The following AGAP1 variants were observed in gnomAD, a reference collection of about 807,000 sequenced individuals.
The protein encoded by AGAP1 is arf-GAP with GTPase, ANK repeat and PH domain-containing protein 1.
A neutral mutation model predicts 105.3 loss-of-function variants in AGAP1; 29 were observed. That is an observed-to-expected ratio of 0.28 (90% CI 0.21 to 0.38). The LOEUF (loss-of-function observed/expected upper bound fraction) is 0.38. AGAP1 is among the 10% of genes least tolerant of loss of function. AGAP1 has a pLI of 1.00. For missense variants in AGAP1, 998 were observed against 1,165.1 expected (o/e 0.86, Z 2.09); for synonymous variants, 509 against 485.9 (o/e 1.05, Z -0.63).
rs150332968 is a variant in AGAP1 at position 235,965,038 on chromosome 2, C to T, written c.1484-3424C>T. 2.9e-3 allele frequency among the ~76,000 whole-genome samples: 443 copies of T among 152,320 alleles called. 1 individual carries two copies. Among genetic ancestry groups the T allele is most frequent in the Non-Finnish European group, 4.8e-3 (328 of 68,030 alleles). ...CAACCAAACTGTCATAGTGCAGGCT[C>T]AGGGGGTCTCAGGACTGCTGGCTAC... On this transcript the variant is annotated intron_variant, in intron 12 of 17. Coordinates refer to ENST00000304032, the MANE Select transcript of AGAP1 (RefSeq NM_001037131.3). The surrounding 1 kb of genome is among the most constrained non-coding windows in gnomAD (Gnocchi z 5.8).
intron 6 of AGAP1, among the ~76,000 whole-genome samples, chr2:235,778,786 T>A (rs1956073066): frequency 6.6e-6 from 1 of 152,134 alleles, no homozygotes; most frequent in Admixed American, 6.5e-5. Flanking sequence ...TGGTCTAGAC[T>A]GTAAACCCCA....
In AGAP1 at chr2:235,723,160, T is replaced by G. The variant is rs147574574; in HGVS notation, c.310+5516T>G. Among the ~76,000 whole-genome samples the G allele has an allele frequency of 6.6e-6, 1 of 152,294 alleles. No homozygotes were observed. Among genetic ancestry groups the G allele is most frequent in the East Asian group, 1.9e-4 (1 of 5,168 alleles). ...GACCTTCACACCTCTGAGGACAATT[T>G]CACAGCTGCCGTTCACTTCCTATAA... On this transcript the variant is annotated intron_variant, in intron 3 of 17. Transcript: ENST00000304032. This position sits in a 1 kb window ranked among gnomAD's most constrained non-coding sequence, Gnocchi z 6.2.
At chr2:236,068,003 G>T (rs2058391383) in intron 16 of AGAP1, among the ~76,000 whole-genome samples, 1 of 152,204 alleles carries the variant, frequency 6.6e-6, no homozygotes, top group South Asian at 2.1e-4. Flanking sequence ...TGGGTGTGGT[G>T]GCTCACACCT....
At chr2:235,644,004 G>A (rs1474185258) in intron 1 of AGAP1, among the ~76,000 whole-genome samples, 2 of 152,120 alleles carry the variant, frequency 1.3e-5, no homozygotes, top group Non-Finnish European at 2.9e-5. Flanking sequence ...TCTGTAGTAA[G>A]GGAGGCCTGG....
At chr2:235,571,333 CTA>C (rs1944507640) in intron 1 of AGAP1, among the ~76,000 whole-genome samples, 1 of 152,210 alleles carries the variant, frequency 6.6e-6, no homozygotes, top group South Asian at 2.1e-4. Context: ...ATGATTGTCT[CTA>C]TGTGCTGTAG....
At chr2:235,928,392 A>AC (rs912822878) in intron 11 of AGAP1, among the ~76,000 whole-genome samples, 1 of 152,120 alleles carries the variant, frequency 6.6e-6, no homozygotes, top group African/African-American at 2.4e-5. Flanking sequence ...CACCAGGACA[A>AC]CCCATGGGCC....
chr2:235,781,692 T>G (rs1189930541), intron 6 of AGAP1, among the ~76,000 whole-genome samples: 1 of 152,198 alleles, frequency 6.6e-6, no homozygotes, highest in African/African-American at 2.4e-5. Flanking sequence ...AGTGCCTCTC[T>G]TTTCTAATGC....
rs562922768 is a variant in AGAP1, at chr2:235,751,447, C to G, written c.673+959C>G. Among the ~76,000 whole-genome samples the G allele has an allele frequency of 1.1e-4, 16 of 152,236 alleles. No homozygotes were observed. Among genetic ancestry groups the G allele is most frequent in the Non-Finnish European group, 1.5e-5 (1 of 68,016 alleles). On this transcript the variant is annotated intron_variant, in intron 6 of 17. Transcript: ENST00000304032. This position sits in a 1 kb window ranked among gnomAD's most constrained non-coding sequence, Gnocchi z 5.3. ...AGCAGGGCAGCCACACTCGGGCTCT[C>G]CAGAGAGTGCTGGAGCCGCTTCAAG...
chr2:235,839,805 A>G (rs1014242101), intron 9 of AGAP1, among the ~76,000 whole-genome samples: 7 of 152,204 alleles, frequency 4.6e-5, no homozygotes, highest in South Asian at 2.1e-4. Flanking sequence ...GCCTTTTCAT[A>G]CATGAAATGG....
In AGAP1 at chr2:235,927,111, A is replaced by T. The variant is rs1050567784; in HGVS notation, c.1325-3654A>T. ...ATGTATACACCTTGATGTGGCCCAA[A>T]TTCAGTCATGCTGTTTCAGTGTAGT... On this transcript the variant is annotated intron_variant, in intron 11 of 17. Coordinates refer to ENST00000304032, the MANE Select transcript of AGAP1 (RefSeq NM_001037131.3). The surrounding 1 kb of genome is among the most constrained non-coding windows in gnomAD (Gnocchi z 4.4). 1.5e-4 allele frequency among the ~76,000 whole-genome samples: 23 copies of T among 152,144 alleles called. No individual in the cohort carries two copies. Among genetic ancestry groups the T allele is most frequent in the Admixed American group, 9.8e-4 (15 of 15,284 alleles).
At chr2:235,561,356 C>T (rs1944145590) in intron 1 of AGAP1, among the ~76,000 whole-genome samples, 1 of 152,196 alleles carries the variant, frequency 6.6e-6, no homozygotes, top group Non-Finnish European at 1.5e-5. Context: ...AGGAGGGCTT[C>T]CTAAGCTCTT....
rs1008247512 is a variant in AGAP1 at position 235,723,697 on chromosome 2, A to C, written c.310+6053A>C. Among the ~76,000 whole-genome samples the C allele has an allele frequency of 1.3e-5, 2 of 152,226 alleles. No homozygotes were observed. The highest frequency in any genetic ancestry group is 1.3e-4 in the Admixed American group (2 of 15,292). ...AGATCGTGGCACACCTGAGGAGGGC[A>C]GAAAGGTGGCCCCACAAGCTTCCCA... On this transcript the variant is annotated intron_variant, in intron 3 of 17. Coordinates refer to ENST00000304032, the MANE Select transcript of AGAP1 (RefSeq NM_001037131.3). This position sits in a 1 kb window ranked among gnomAD's most constrained non-coding sequence, Gnocchi z 6.2.
intron 9 of AGAP1, among the ~76,000 whole-genome samples, chr2:235,838,860 T>TA (rs2106380941): frequency 6.6e-6 from 1 of 152,274 alleles, no homozygotes; most frequent in East Asian, 1.9e-4. Flanking sequence ...TTTTTTTTTT[T>TA]AAGAAGCATA....
chr2:236,043,367 G>A (rs2057614738), intron 15 of AGAP1, among the ~76,000 whole-genome samples: 1 of 152,200 alleles, frequency 6.6e-6, no homozygotes, highest in South Asian at 2.1e-4. Context: ...CATCCCAAAT[G>A]TCTAACAATT....
chr2:235,907,826 ATTTT>A (rs568975758), intron 10 of AGAP1, among the ~76,000 whole-genome samples: 1 of 151,900 alleles, frequency 6.6e-6, no homozygotes, highest in African/African-American at 2.4e-5. Flanking sequence ...TCTTATTTGT[ATTTT>A]TTTTAATTGT....
chr2:235,932,706 C>G (rs933025145), intron 12 of AGAP1, among the ~76,000 whole-genome samples: 1 of 152,216 alleles, frequency 6.6e-6, no homozygotes, highest in Admixed American at 6.5e-5. Context: ...GCACACTTAC[C>G]TGTTTGATAA....
Position 236,009,323 on chromosome 2 carries a change from G to A in AGAP1, c.1646-27238G>A, listed in dbSNP as rs1007448873. Among the ~76,000 whole-genome samples, 4 of 152,132 alleles carry A rather than the reference G, an allele frequency of 2.6e-5. No individual in the cohort carries two copies. The highest frequency in any genetic ancestry group is 2.1e-4 in the South Asian group (1 of 4,826). ...CACGGACAAAAGATCACGGGATACCGGGAGCACTAAACTGGAAGTGACACA... is the reference window on the plus strand; with the variant it reads ...CACGGACAAAAGATCACGGGATACCAGGAGCACTAAACTGGAAGTGACACA... On this transcript the variant is annotated intron_variant, in intron 13 of 17. Transcript: ENST00000304032. This position sits in a 1 kb window ranked among gnomAD's most constrained non-coding sequence, Gnocchi z 4.2.
In AGAP1 at chr2:236,117,604, C is replaced by A. The variant is rs80313900; in HGVS notation, c.2115-2588C>A. On this transcript the variant is annotated intron_variant, in intron 16 of 17. Coordinates refer to ENST00000304032, the MANE Select transcript of AGAP1 (RefSeq NM_001037131.3). ...GTGATTTGGCAATGACTATTAAAGT[C>A]AATCGGAGCGGAATCAAATAGTTGT... Among the ~76,000 whole-genome samples the A allele has an allele frequency of 7.6e-3, 1,156 of 152,312 alleles. 14 individuals carry two copies. The highest frequency in any genetic ancestry group is 0.026 in the African/African-American group (1,095 of 41,564).
chr2:235,847,561 A>G (rs1406561677), intron 9 of AGAP1, among the ~76,000 whole-genome samples: 1 of 152,262 alleles, frequency 6.6e-6, no homozygotes, highest in Admixed American at 6.5e-5. Context: ...AAACTGTTCT[A>G]GCCATAGTAA....
Sources: allele counts gnomAD v4.1 joint callset (sites outside exome capture counted in the v4.1 genomes callset), GRCh38; gene constraint gnomAD v4.1.1; non-coding constraint Gnocchi (gnomAD v3.1); transcripts MANE v1.5; gene names NCBI Gene and HGNC (gene_info 2026-07-23, HGNC 2026-07-21).